GALNTL6: variants seen among roughly 807,000 people sequenced by gnomAD.
The protein encoded by GALNTL6 is polypeptide N-acetylgalactosaminyltransferase like 6, also known as polypeptide N-acetylgalactosaminyltransferase-like 6.
GALNTL6 carries 46 observed loss-of-function variants against 73.7 expected under a neutral mutation model. The ratio of observed to expected loss-of-function variants is 0.62; its 90% CI spans 0.49 to 0.80. The LOEUF (loss-of-function observed/expected upper bound fraction) is 0.80. Ranked by LOEUF, GALNTL6 falls within the 30% of genes least tolerant of loss-of-function variation. The pLI is 0.00. For missense variants in GALNTL6, 604 were observed against 755.0 expected, an observed-to-expected ratio of 0.80 and a Z score of 2.34; for synonymous variants, 259 against 263.7, an observed-to-expected ratio of 0.98 and a Z score of 0.17.
intron 8 of GALNTL6, among the ~76,000 whole-genome samples, chr4:172,928,388 A>C (rs756907610): frequency 9.9e-5 from 15 of 152,216 alleles, no homozygotes; most frequent in Non-Finnish European, 2.1e-4. Flanking sequence ...TTGGGGAAAC[A>C]GTAAAGTCTG....
At chr4:172,285,648 C>T (rs1316083121) in intron 3 of GALNTL6, among the ~76,000 whole-genome samples, 1 of 152,188 alleles carries the variant, frequency 6.6e-6, no homozygotes, top group Non-Finnish European at 1.5e-5. Flanking sequence ...CCCCTACCCA[C>T]CTCAGGGAGT....
At chr4:172,142,932 C>G (rs1294998270) in intron 2 of GALNTL6, among the ~76,000 whole-genome samples, 1 of 151,930 alleles carries the variant, frequency 6.6e-6, no homozygotes, top group African/African-American at 2.4e-5. Context: ...TTAGAGACAA[C>G]TGTTTTTATA....
intron 5 of GALNTL6, among the ~76,000 whole-genome samples, chr4:172,629,956 A>T (rs148795866): frequency 6.6e-6 from 1 of 152,286 alleles, no homozygotes; most frequent in Admixed American, 6.5e-5. Context: ...ATATTGTAAG[A>T]TCTTTTCCTT....
At chr4:171,986,920 T>G (rs1560872411) in intron 2 of GALNTL6, among the ~76,000 whole-genome samples, 1 of 152,168 alleles carries the variant, frequency 6.6e-6, no homozygotes, top group Non-Finnish European at 1.5e-5. Flanking sequence ...AGATATCAGC[T>G]GTGATGGCTT....
chr4:172,286,642 G>A (rs1167050420), intron 3 of GALNTL6, among the ~76,000 whole-genome samples: 1 of 152,142 alleles, frequency 6.6e-6, no homozygotes, highest in Non-Finnish European at 1.5e-5. Flanking sequence ...TGAAACCAGA[G>A]CAGTATTTGA....
At chr4:172,862,254 G>C (rs955336664) in intron 7 of GALNTL6, among the ~76,000 whole-genome samples, 2 of 152,210 alleles carry the variant, frequency 1.3e-5, no homozygotes, top group Non-Finnish European at 2.9e-5. Context: ...TTGGGAACTG[G>C]AGTAAAGGTC....
chr4:171,856,305 G>A (rs1006009223), intron 2 of GALNTL6, among the ~76,000 whole-genome samples: 1 of 151,032 alleles, frequency 6.6e-6, no homozygotes. Context: ...ATTAGAGACG[G>A]GGTTTTGCCA....
chr4:172,274,791 AC>A (rs1473476578), intron 3 of GALNTL6, among the ~76,000 whole-genome samples: 1 of 152,220 alleles, frequency 6.6e-6, no homozygotes, highest in African/African-American at 2.4e-5. Context: ...AAAGTGAATT[AC>A]TTTTTCTAGG....
At chr4:172,376,775 G>C (rs901820075) in intron 5 of GALNTL6, among the ~76,000 whole-genome samples, 1 of 152,194 alleles carries the variant, frequency 6.6e-6, no homozygotes, top group Non-Finnish European at 1.5e-5. Flanking sequence ...AATGTATCTG[G>C]AATTGGTGTG....
At chr4:171,915,082 A>T (rs1037440136) in intron 2 of GALNTL6, among the ~76,000 whole-genome samples, 2 of 152,162 alleles carry the variant, frequency 1.3e-5, no homozygotes, top group Non-Finnish European at 2.9e-5. Flanking sequence ...CGAAAAAATT[A>T]AAAACATGGG....
At position 172,484,088 on chromosome 4, in the gene GALNTL6, TAGA is replaced by T. The variant is rs373956325; in HGVS notation, c.553+135405_553+135407del. ...ATGAAAATTATTTCAGGGACAGCTG[TAGA>T]AGAAGGAGAACATACTCCTTGTTTT... On this transcript the variant is annotated intron_variant, in intron 5 of 12. Coordinates refer to ENST00000506823, the MANE Select transcript of GALNTL6 (RefSeq NM_001034845.3). Among the ~76,000 whole-genome samples, 19 of 152,260 alleles carry T rather than the reference TAGA, an allele frequency of 1.2e-4. No homozygotes were observed. In the East Asian group the frequency reaches 2.9e-3, roughly 23 times the overall value.
intron 5 of GALNTL6, among the ~76,000 whole-genome samples, chr4:172,353,721 A>G (rs530233818): frequency 6.6e-6 from 1 of 151,958 alleles, no homozygotes; most frequent in South Asian, 2.1e-4. Flanking sequence ...AATATTATAT[A>G]TATATATGTG....
intron 7 of GALNTL6, among the ~76,000 whole-genome samples, chr4:172,882,511 T>C (rs901463390): frequency 4.6e-5 from 7 of 152,204 alleles, no homozygotes; most frequent in Admixed American, 4.6e-4. Context: ...TCACTAGTGA[T>C]AAACAAGTGG....
intron 2 of GALNTL6, among the ~76,000 whole-genome samples, chr4:171,888,867 A>G (rs1736679991): frequency 1.3e-5 from 2 of 152,088 alleles, no homozygotes; most frequent in Non-Finnish European, 1.5e-5. Context: ...CTAGGAGTCT[A>G]TTTGAATTAA....
intron 2 of GALNTL6, among the ~76,000 whole-genome samples, chr4:171,822,399 G>A (rs138373904): frequency 9.8e-4 from 149 of 152,306 alleles, no homozygotes; most frequent in African/African-American, 3.5e-3. Context: ...GTATGTAACT[G>A]TGGGCATGCT....
chr4:171,991,969 G>T (rs1406913932), intron 2 of GALNTL6, among the ~76,000 whole-genome samples: 1 of 151,780 alleles, frequency 6.6e-6, no homozygotes, highest in Non-Finnish European at 1.5e-5. Flanking sequence ...CAGCTCTTGA[G>T]TAGACCATGA....
intron 8 of GALNTL6, among the ~76,000 whole-genome samples, chr4:172,915,665 C>A (rs149616581): frequency 3.9e-5 from 6 of 152,044 alleles, no homozygotes; most frequent in African/African-American, 1.2e-4. Flanking sequence ...GGATAAATTC[C>A]GGGACACATA....
intron 10 of GALNTL6, among the ~76,000 whole-genome samples, chr4:172,977,042 T>C (rs1750843386): frequency 6.6e-6 from 1 of 152,196 alleles, no homozygotes; most frequent in Admixed American, 6.5e-5. Context: ...GCATGAGAAA[T>C]TACTGTCAAA....
chr4:172,133,609 G>A (rs553115255), intron 2 of GALNTL6, among the ~76,000 whole-genome samples: 2 of 152,328 alleles, frequency 1.3e-5, no homozygotes, highest in Non-Finnish European at 2.9e-5. Flanking sequence ...CTGTGCTGCA[G>A]CCTGATTTGT....
Sources: gnomAD v4.1 joint callset for allele counts (sites outside exome capture counted in the v4.1 genomes callset) on GRCh38, gnomAD v4.1.1 for gene constraint, MANE v1.5 for transcripts, NCBI Gene and HGNC (gene_info 2026-07-23, HGNC 2026-07-21) for gene names.